Variants in MASTL observed in about 807,000 individuals in gnomAD.
MASTL encodes the protein serine/threonine-protein kinase greatwall.
In MASTL, 54 loss-of-function variants were observed where a neutral mutation model predicts 82.5. The ratio of observed to expected loss-of-function variants is 0.65; its 90% CI spans 0.53 to 0.82. The LOEUF (loss-of-function observed/expected upper bound fraction) is 0.82, where lower values mean the gene tolerates loss of function less well. Among genes scored for constraint, MASTL ranks in the 40% least tolerant of loss-of-function variants. The pLI, the probability that MASTL is intolerant of heterozygous loss-of-function variation, is 0.00. For missense variants in MASTL, 950 were observed against 1,047.8 expected, an observed-to-expected ratio of 0.91 and a Z score of 1.29; for synonymous variants, 323 against 368.9, an observed-to-expected ratio of 0.88 and a Z score of 1.43.
chr10:27,186,334 C>T, intron 11 of MASTL, 45 bp from the exon 12 acceptor site: 1 of 1,546,472 alleles, frequency 6.5e-7, no homozygotes, highest in Non-Finnish European at 8.9e-7. Context: ...GCAGTACTTA[C>T]TTAGGTAATG....
chr10:27,171,327 T>G (rs2057927309), intron 8 of MASTL, among the ~76,000 whole-genome samples: 1 of 152,020 alleles, frequency 6.6e-6, no homozygotes, highest in Non-Finnish European at 1.5e-5. Flanking sequence ...GAAAATACAA[T>G]CACATATTTT....
Position 27,158,620 on chromosome 10 carries a change from A to T in MASTL, c.258A>T (p.Ala86=), listed in dbSNP as rs1226358830. 6.2e-7 allele frequency: 1 copy of T among 1,613,766 alleles called. No individual in the cohort carries two copies. Among genetic ancestry groups the T allele is most frequent in the Admixed American group, 1.7e-5 (1 of 60,034 alleles). Residue 86 remains alanine (A), a synonymous_variant, in exon 2 of 12, where the codon GCA becomes GCT. Coordinates refer to ENST00000375940, the MANE Select transcript of MASTL (RefSeq NM_001172303.3). ...TCCAAGCTGAGAGAGATGCACTGGC[A>T]CTAAGCAAAAGCCCATTCATTGTCC... ...HQVQAERDAL[A]LSKSPFIVHL...
chr10:27,171,162 T>C (rs760226997), intron 8 of MASTL, 79 bp downstream of exon 8: 14 of 1,212,784 alleles, frequency 1.2e-5, no homozygotes, highest in Non-Finnish European at 1.5e-5. Flanking sequence ...TAAGCTAGAC[T>C]ATGCGGTATT....
At position 27,186,639 on chromosome 10, in the gene MASTL, T is replaced by A; in HGVS notation, c.*103T>A. 9.2e-7 allele frequency: 1 copy of A among 1,084,478 alleles called. No individual in the cohort carries two copies. The highest frequency in any genetic ancestry group is 1.4e-6 in the Non-Finnish European group (1 of 702,008). 67.2% of individuals were successfully genotyped at this position (1,084,478 alleles called of 1,614,324 possible). A position where few individuals can be genotyped will look rare whatever the true frequency, so the allele number is the denominator to read the frequency against. On this transcript the variant is annotated 3_prime_UTR_variant, in exon 12 of 12. Transcript: ENST00000375940. ...GATCTAAGGGGGAAAGATCATTATT[T>A]AACCTAGTTCAATGTGCTTTTAATG...
intron 2 of MASTL, among the ~76,000 whole-genome samples, chr10:27,158,989 CAA>C (rs1343265549): frequency 6.6e-6 from 1 of 152,134 alleles, no homozygotes; most frequent in African/African-American, 2.4e-5. Flanking sequence ...CACTTGAGGC[CAA>C]GAGTTCAAGA....
chr10:27,178,688 AAC>A (rs917076768), intron 9 of MASTL, among the ~76,000 whole-genome samples: 32 of 149,796 alleles, frequency 2.1e-4, no homozygotes, highest in Admixed American at 2.0e-3. Context: ...TTTTTTTTTT[AAC>A]ACAAGTATAT....
rs780860096 is a variant in MASTL, at chr10:27,170,349, A to T, written c.1390A>T (p.Thr464Ser). ...PCKKIIQNKKTCVEYKHNEMT... is the reference protein window; with the variant it reads ...PCKKIIQNKKSCVEYKHNEMT... ...TAAAAAAATTATACAGAATAAAAAA[A>T]CTTGTGTAGAGTATAAGCATAACGA... The change falls in exon 8 of 12, where the codon ACT (threonine) becomes TCT (serine). Residue 464 changes from threonine (T) to serine (S), a missense_variant. Thr to Ser is a moderately conservative substitution (Grantham distance 58). Transcript: ENST00000375940. 5 of 1,613,476 alleles carry T rather than the reference A, an allele frequency of 3.1e-6. No homozygotes were observed. Among genetic ancestry groups the T allele is most frequent in the Non-Finnish European group, 4.2e-6 (5 of 1,179,732 alleles).
At chr10:27,157,856 A>G (rs564279928) in intron 1 of MASTL, among the ~76,000 whole-genome samples, 1 of 151,982 alleles carries the variant, frequency 6.6e-6, no homozygotes, top group Non-Finnish European at 1.5e-5. Context: ...CCCATCTATC[A>G]AAAAATCAGA....
Position 27,181,043 on chromosome 10 carries a change from T to G in MASTL, c.2357T>G (p.Val786Gly). ...TTCAATGATGAAACACCACAACAAGTATTCCAGAATATTCTGAAAAGAGGT... is the reference window on the plus strand; with the variant it reads ...TTCAATGATGAAACACCACAACAAGGATTCCAGAATATTCTGAAAAGAGGT... ...PPFNDETPQQVFQNILKRDIP... is the reference protein window; with the variant it reads ...PPFNDETPQQGFQNILKRDIP... Residue 786 changes from valine to glycine, a missense_variant, in exon 10 of 12, where the codon GTA becomes GGA. Val to Gly is a moderately radical substitution (Grantham distance 109, BLOSUM62 -3). Transcript: ENST00000375940. 1 of 1,599,110 alleles carries G rather than the reference T, an allele frequency of 6.3e-7. No homozygotes were observed. Among genetic ancestry groups the G allele is most frequent in the East Asian group, 2.2e-5 (1 of 44,822 alleles).
chr10:27,158,125 G>T (rs1423642203), intron 1 of MASTL, among the ~76,000 whole-genome samples: 1 of 151,754 alleles, frequency 6.6e-6, no homozygotes, highest in Admixed American at 6.6e-5. Flanking sequence ...TTTTTTGTAC[G>T]TGCTTTCCTG....
chr10:27,175,776 T>C (rs2058083762), intron 9 of MASTL, among the ~76,000 whole-genome samples: 1 of 152,166 alleles, frequency 6.6e-6, no homozygotes, highest in African/African-American at 2.4e-5. Flanking sequence ...AGTATTCTAC[T>C]GATCTTTCAA....
chr10:27,161,526 A>G (rs1484703387), intron 4 of MASTL, among the ~76,000 whole-genome samples: 1 of 134,322 alleles, frequency 7.4e-6, no homozygotes, highest in Non-Finnish European at 1.6e-5. Context: ...AAAAAGTCCA[A>G]CTAAAAATAA....
intron 1 of MASTL, among the ~76,000 whole-genome samples, chr10:27,156,778 C>T (rs2057399788): frequency 6.6e-6 from 1 of 151,928 alleles, no homozygotes; most frequent in Non-Finnish European, 1.5e-5. Flanking sequence ...CATCGGCCTC[C>T]CAGAGTGCTG....
chr10:27,169,285 A>G (rs1232576433), intron 7 of MASTL, among the ~76,000 whole-genome samples: 1 of 152,104 alleles, frequency 6.6e-6, no homozygotes, highest in African/African-American at 2.4e-5. Context: ...CATCCAGGCC[A>G]GGTGTGGTAG....
At chr10:27,175,313 G>T (rs2058070173) in intron 9 of MASTL, among the ~76,000 whole-genome samples, 1 of 152,032 alleles carries the variant, frequency 6.6e-6, no homozygotes, top group African/African-American at 2.4e-5. Flanking sequence ...CTCCCGAGTA[G>T]CTGGGATTAC....
At chr10:27,184,400 CAT>C (rs1426959928) in intron 11 of MASTL, among the ~76,000 whole-genome samples, 2 of 151,948 alleles carry the variant, frequency 1.3e-5, no homozygotes. Flanking sequence ...CTACTTAAAA[CAT>C]ATAAACACAC....
intron 9 of MASTL, among the ~76,000 whole-genome samples, chr10:27,177,280 AGTAAATTCCTATGAGCAC>A (rs1365947908): frequency 3.9e-5 from 6 of 152,218 alleles, no homozygotes; most frequent in Non-Finnish European, 8.8e-5. Context: ...AGCCAAAGCA[AGTAAATTCCTATGAGCAC>A]TGATTTTTAT....
chr10:27,162,121 G>A lies in MASTL; in HGVS notation c.553+939G>A, dbSNP rs1296937022. Among the ~76,000 whole-genome samples the A allele has an allele frequency of 2.6e-5, 4 of 152,112 alleles. No individual in the cohort carries two copies. The East Asian group carries it at 7.7e-4, about 29-fold the overall frequency. On this transcript the variant is annotated intron_variant, in intron 4 of 11. Coordinates refer to ENST00000375940, the MANE Select transcript of MASTL (RefSeq NM_001172303.3). ...AAAGCACACTAATATTTTTCTGGGGGCATTGTAAATTAGCATAGTGCTTTC... is the reference window on the plus strand; with the variant it reads ...AAAGCACACTAATATTTTTCTGGGGACATTGTAAATTAGCATAGTGCTTTC...
chr10:27,175,665 C>T (rs953228534), intron 9 of MASTL, among the ~76,000 whole-genome samples: 1 of 152,170 alleles, frequency 6.6e-6, no homozygotes, highest in Admixed American at 6.5e-5. Flanking sequence ...CTCATCACTC[C>T]CATGATGTCA....
Sources: allele counts gnomAD v4.1 joint callset (sites outside exome capture counted in the v4.1 genomes callset), GRCh38; gene constraint gnomAD v4.1.1; transcripts MANE v1.5; gene names NCBI Gene and HGNC (gene_info 2026-07-23, HGNC 2026-07-21).